Variants in MERTK observed in about 807,000 individuals in gnomAD.
The protein encoded by MERTK is tyrosine-protein kinase Mer.
A neutral mutation model predicts 99.3 loss-of-function variants in MERTK; 69 were observed. The observed-to-expected ratio is 0.70, with a 90% CI of 0.57 to 0.85. MERTK has a LOEUF of 0.85. MERTK is among the 40% of genes least tolerant of loss of function. The pLI, the probability that MERTK is intolerant of heterozygous loss-of-function variation, is 0.00. For missense variants in MERTK, 1,125 were observed against 1,249.4 expected, an observed-to-expected ratio of 0.90 and a Z score of 1.50; for synonymous variants, 426 against 467.6, an observed-to-expected ratio of 0.91 and a Z score of 1.15.
Position 112,028,776 on chromosome 2 carries a change from A to G in MERTK, c.2912A>G (p.His971Arg). The stretch of plus-strand genomic sequence containing the variant: ...GTTAGGAATGGGGTCTCCTGGTCCC[A>G]TTCGAGCATGCTGCCCTTGGGAAGC... ...RLVRNGVSWS[H>R]SSMLPLGSSL... is the part of the protein sequence containing the mutation. The change falls in exon 19 of 19, where the codon CAT (histidine) becomes CGT (arginine). Residue 971 changes from histidine to arginine, a missense_variant. Physicochemically the swap from His to Arg is conservative, Grantham distance 29 (BLOSUM62 0). Transcript: ENST00000295408. 6.2e-7 allele frequency: 1 copy of G among 1,614,144 alleles called. No homozygotes were observed. Among genetic ancestry groups the G allele is most frequent in the African/African-American group, 1.3e-5 (1 of 75,026 alleles).
chr2:111,961,761 A>C (rs1052026873), intron 4 of MERTK, among the ~76,000 whole-genome samples: 2 of 152,156 alleles, frequency 1.3e-5, no homozygotes, highest in African/African-American at 4.8e-5. Context: ...TTTTATGCAC[A>C]TTTAACCCCT....
At chr2:112,002,090 C>G (rs769331295) in intron 11 of MERTK, among the ~76,000 whole-genome samples, 33 of 151,998 alleles carry the variant, frequency 2.2e-4, no homozygotes, top group Non-Finnish European at 4.4e-5. Flanking sequence ...TTTGATCTTT[C>G]AAGAGCTTGT....
At chr2:112,027,773 C>T (rs1274697606) in intron 18 of MERTK, among the ~76,000 whole-genome samples, 3 of 152,212 alleles carry the variant, frequency 2.0e-5, no homozygotes, top group Non-Finnish European at 4.4e-5. Flanking sequence ...CCTGCCCTCA[C>T]CCCTGCTCCT....
In MERTK at chr2:112,028,695, C is replaced by T; in HGVS notation, c.2831C>T (p.Ala944Val). The change falls in exon 19 of 19, where the codon GCC becomes GTC. Residue 944 changes from alanine to valine, a missense_variant. Transcript: ENST00000295408. ...GAGGAATGGGAAGATCTGACTTCTG[C>T]CCCCTCTGCTGCAGTCACAGCTGAA... is the stretch of plus-strand genomic sequence containing the variant. The part of the protein sequence containing the change: ...GSEEWEDLTS[A>V]PSAAVTAEKN... The T allele has an allele frequency of 6.2e-7, 1 of 1,614,182 alleles. No individual in the cohort carries two copies. Among genetic ancestry groups the T allele is most frequent in the Non-Finnish European group, 8.5e-7 (1 of 1,180,042 alleles).
rs184417381 is a variant in MERTK, at chr2:111,993,243, A to G, written c.1297-1008A>G. Among the ~76,000 whole-genome samples the G allele has an allele frequency of 8.5e-5, 13 of 152,254 alleles. No homozygotes were observed. In the East Asian group the frequency reaches 2.5e-3, roughly 29 times the overall value. ...TTTAGAAACAGTCTCTGGATGGCCA[A>G]CCCAGGTGCCCCCTTGGTCATGAAT... On this transcript the variant is annotated intron_variant, in intron 8 of 18. Coordinates refer to ENST00000295408, the MANE Select transcript of MERTK (RefSeq NM_006343.3).
At chr2:111,931,992 T>G (rs1573580220) in intron 2 of MERTK, among the ~76,000 whole-genome samples, 2 of 152,218 alleles carry the variant, frequency 1.3e-5, no homozygotes, top group African/African-American at 2.4e-5. Flanking sequence ...TTTCTTGTTT[T>G]GGACCCATCT....
At chr2:111,961,346 A>G (rs2104718214) in intron 4 of MERTK, among the ~76,000 whole-genome samples, 1 of 151,678 alleles carries the variant, frequency 6.6e-6, no homozygotes, top group African/African-American at 2.4e-5. Context: ...TATTTTTAGT[A>G]GAGACAGCGT....
rs1266694278 is a variant in MERTK at position 112,021,393 on chromosome 2, C to A, written c.2190-29C>A. On this transcript the variant is annotated intron_variant, in intron 16 of 18. Coordinates refer to ENST00000295408, the MANE Select transcript of MERTK (RefSeq NM_006343.3). ...GTAATTTAAGGCATTGCCTCTGACG[C>A]TGCTGAAGACGTAACCTGCTCTCTG... 1.9e-6 allele frequency: 3 copies of A among 1,611,880 alleles called. No homozygotes were observed. In the Admixed American group the frequency reaches 5.0e-5, roughly 27 times the overall value.
At chr2:112,004,431 C>T (rs1174766996) in intron 13 of MERTK, among the ~76,000 whole-genome samples, 1 of 152,152 alleles carries the variant, frequency 6.6e-6, no homozygotes, top group African/African-American at 2.4e-5. Context: ...CCTGAGGAAG[C>T]TGCGGGCTGC....
intron 7 of MERTK, among the ~76,000 whole-genome samples, chr2:111,977,805 A>T (rs1025738384): frequency 6.6e-5 from 10 of 151,804 alleles, no homozygotes; most frequent in African/African-American, 2.4e-4. Context: ...AATTTCACTC[A>T]TCTTTTTTGG....
At chr2:111,978,780 G>T (rs974267105) in intron 7 of MERTK, among the ~76,000 whole-genome samples, 2 of 152,188 alleles carry the variant, frequency 1.3e-5, no homozygotes, top group Non-Finnish European at 2.9e-5. Context: ...GAATTTTACA[G>T]TGTTGGATGC....
chr2:111,963,210 T>A (rs1195048283), intron 4 of MERTK, among the ~76,000 whole-genome samples: 2 of 152,244 alleles, frequency 1.3e-5, no homozygotes, highest in Non-Finnish European at 2.9e-5. Context: ...TGCTGCCGCA[T>A]GTCCTACCTC....
chr2:111,938,244 T>C (rs1684798060), intron 2 of MERTK, among the ~76,000 whole-genome samples: 1 of 123,270 alleles, frequency 8.1e-6, no homozygotes. Flanking sequence ...ACCTAGCTGT[T>C]TTTTGTTTGT....
At chr2:111,906,647 A>G (rs1462064325) in intron 1 of MERTK, among the ~76,000 whole-genome samples, 3 of 152,248 alleles carry the variant, frequency 2.0e-5, no homozygotes, top group South Asian at 4.1e-4. Flanking sequence ...CTGCCTCCAC[A>G]CAGGAAGTGA....
In MERTK at chr2:111,964,368, C is replaced by CGTTTGT. The variant is rs375087141; in HGVS notation, c.758-821_758-820insTTGTGT. Among the ~76,000 whole-genome samples, 44 of 141,274 alleles carry CGTTTGT rather than the reference C, an allele frequency of 3.1e-4. No homozygotes were observed. The East Asian group carries it at 8.1e-3, about 26-fold the overall frequency. The allele number at this position is 141,274 out of a possible 152,430, so 92.7% of individuals were successfully genotyped here. A position where few individuals can be genotyped will look rare whatever the true frequency, so the allele number is the denominator to read the frequency against. The stretch of plus-strand genomic sequence containing the variant: ...TCTTTGACATGCCCCATCATTGTCT[C>CGTTTGT]GTGTGTGTGTGTGTGTGTGTGTGTG... On this transcript the variant is annotated intron_variant, in intron 4 of 18. Coordinates refer to ENST00000295408, the MANE Select transcript of MERTK (RefSeq NM_006343.3).
chr2:111,926,111 G>A (rs1473963541), intron 1 of MERTK, among the ~76,000 whole-genome samples: 5 of 152,100 alleles, frequency 3.3e-5, no homozygotes, highest in Admixed American at 6.5e-5. Context: ...GATTACAGGC[G>A]TGAGCCACTG....
chr2:111,989,614 C>A (rs1457769094), intron 8 of MERTK, among the ~76,000 whole-genome samples: 1 of 152,182 alleles, frequency 6.6e-6, no homozygotes, highest in Non-Finnish European at 1.5e-5. Flanking sequence ...CTCGGCCTCC[C>A]AAAGTGCTGG....
chr2:111,907,983 T>TA (rs1684167215), intron 1 of MERTK, among the ~76,000 whole-genome samples: 1 of 152,188 alleles, frequency 6.6e-6, no homozygotes, highest in Admixed American at 6.5e-5. Context: ...GTCCAAGCTA[T>TA]TCTGTGCCAC....
chr2:111,997,257 C>G (rs1290850351), intron 9 of MERTK, 66 bp from the exon 10 acceptor site: 2 of 1,537,904 alleles, frequency 1.3e-6, no homozygotes, highest in Non-Finnish European at 1.8e-6. Context: ...ATTTGTTCTT[C>G]CCTGTTACAA....
Sources: allele counts gnomAD v4.1 joint callset (sites outside exome capture counted in the v4.1 genomes callset), GRCh38; gene constraint gnomAD v4.1.1; transcripts MANE v1.5; gene names NCBI Gene and HGNC (gene_info 2026-07-23, HGNC 2026-07-21).